PDE10A: variants seen among roughly 807,000 people sequenced by gnomAD.
PDE10A encodes the protein cAMP and cAMP-inhibited cGMP 3',5'-cyclic phosphodiesterase 10A.
In PDE10A, 39 loss-of-function variants were observed where a neutral mutation model predicts 97.7. The observed-to-expected ratio is 0.40, with a 90% CI of 0.31 to 0.52. The LOEUF is 0.52. PDE10A is among the 20% of genes least tolerant of loss of function. PDE10A has a pLI of 0.56. For missense variants in PDE10A, 731 were observed against 1,047.8 expected, an observed-to-expected ratio of 0.70 and a Z score of 4.17; for synonymous variants, 371 against 376.8, an observed-to-expected ratio of 0.98 and a Z score of 0.18.
intron 1 of PDE10A, among the ~76,000 whole-genome samples, chr6:165,698,911 T>C (rs1055698445): frequency 1.3e-5 from 2 of 151,650 alleles, no homozygotes; most frequent in African/African-American, 4.8e-5. Context: ...CTAAAGAAAG[T>C]AGTAAAGGAG....
intron 1 of PDE10A, among the ~76,000 whole-genome samples, chr6:165,608,454 T>C (rs1787332250): frequency 6.6e-6 from 1 of 152,124 alleles, no homozygotes; most frequent in Non-Finnish European, 1.5e-5. Flanking sequence ...CCTTTTTTTA[T>C]GGCTGCATAG....
At chr6:165,642,209 A>G (rs964736191) in intron 1 of PDE10A, among the ~76,000 whole-genome samples, 1 of 152,212 alleles carries the variant, frequency 6.6e-6, no homozygotes, top group Non-Finnish European at 1.5e-5. Flanking sequence ...CATAGGGGCT[A>G]ACACAGTCTT....
At chr6:165,758,061 T>C (rs1793158648) in intron 1 of PDE10A, among the ~76,000 whole-genome samples, 1 of 152,252 alleles carries the variant, frequency 6.6e-6, no homozygotes, top group African/African-American at 2.4e-5. Context: ...ACCTGAACTG[T>C]CATTAGTGAC....
At chr6:165,902,820 TA>T (rs1427340558) in intron 1 of PDE10A, among the ~76,000 whole-genome samples, 2 of 152,166 alleles carry the variant, frequency 1.3e-5, no homozygotes, top group Non-Finnish European at 2.9e-5. Flanking sequence ...TGGACACAGG[TA>T]ACAGTGAGTC....
At chr6:165,938,237 C>A (rs34527299) in intron 1 of PDE10A, among the ~76,000 whole-genome samples, 2 of 151,998 alleles carry the variant, frequency 1.3e-5, no homozygotes, top group African/African-American at 4.8e-5. Context: ...TTGTGGGCAA[C>A]CAGAGCAGCT....
At chr6:165,682,608 G>A (rs777505005) in intron 1 of PDE10A, among the ~76,000 whole-genome samples, 7 of 152,190 alleles carry the variant, frequency 4.6e-5, no homozygotes, top group East Asian at 1.9e-4. Context: ...ATAAAAAGAC[G>A]GCTATCTACG....
intron 1 of PDE10A, among the ~76,000 whole-genome samples, chr6:165,785,239 A>C (rs950065666): frequency 6.6e-6 from 1 of 152,202 alleles, no homozygotes; most frequent in Non-Finnish European, 1.5e-5. Flanking sequence ...TATTCACATG[A>C]AGTGCCTAAC....
At chr6:165,448,408 G>A (rs1791022443) in intron 5 of PDE10A, among the ~76,000 whole-genome samples, 1 of 152,156 alleles carries the variant, frequency 6.6e-6, no homozygotes, top group African/African-American at 2.4e-5. Flanking sequence ...CAGAAGACTG[G>A]AACAGCCACA....
chr6:165,381,439 A>T (rs1389661433), intron 17 of PDE10A, among the ~76,000 whole-genome samples: 1 of 152,140 alleles, frequency 6.6e-6, no homozygotes, highest in Non-Finnish European at 1.5e-5. Context: ...AATTTACAAG[A>T]GTAAAGGGAA....
intron 1 of PDE10A, among the ~76,000 whole-genome samples, chr6:165,555,957 G>GA (rs35711274): frequency 1.3e-5 from 2 of 152,056 alleles, no homozygotes; most frequent in Admixed American, 1.3e-4. Context: ...AATTATACTG[G>GA]AAAAAATTTT....
At chr6:165,510,759 T>C (rs1781462731) in intron 2 of PDE10A, among the ~76,000 whole-genome samples, 2 of 152,210 alleles carry the variant, frequency 1.3e-5, no homozygotes, top group South Asian at 4.1e-4. Context: ...CTTGGTAGAA[T>C]GCATGCAGCC....
At chr6:165,333,986 A>G (rs574998709) in intron 21 of PDE10A, among the ~76,000 whole-genome samples, 2 of 152,362 alleles carry the variant, frequency 1.3e-5, no homozygotes, top group South Asian at 2.1e-4. Flanking sequence ...ACAAAACCCT[A>G]AAATATAACT....
intron 18 of PDE10A, among the ~76,000 whole-genome samples, chr6:165,365,862 A>T (rs1327289101): frequency 6.6e-6 from 1 of 152,238 alleles, no homozygotes; most frequent in African/African-American, 2.4e-5. Flanking sequence ...AGAAAGATCA[A>T]TAGCTTCTAG....
chr6:165,462,784 A>G (rs906309870), intron 3 of PDE10A, among the ~76,000 whole-genome samples: 8 of 152,250 alleles, frequency 5.3e-5, no homozygotes, highest in African/African-American at 1.9e-4. Context: ...TGCCATGAGT[A>G]TTCCTTCAGC....
intron 1 of PDE10A, among the ~76,000 whole-genome samples, chr6:165,553,643 G>T (rs1428189147): frequency 6.6e-6 from 1 of 152,104 alleles, no homozygotes; most frequent in Admixed American, 6.5e-5. Context: ...AGCCTAAGGG[G>T]TGCCTTAGCT....
At chr6:165,342,432 G>T (rs914618280) in intron 19 of PDE10A, among the ~76,000 whole-genome samples, 16 of 152,344 alleles carry the variant, frequency 1.1e-4, no homozygotes, top group African/African-American at 3.4e-4. Context: ...GATGTGTAAA[G>T]CATTCTGGAG....
intron 1 of PDE10A, among the ~76,000 whole-genome samples, chr6:165,560,248 T>C (rs1784455340): frequency 6.6e-6 from 1 of 152,212 alleles, no homozygotes; most frequent in Non-Finnish European, 1.5e-5. Flanking sequence ...ATTGCTGGCT[T>C]GAAGATGGAG....
At chr6:165,681,416 GTGTGTGTGTGTGTC>G (rs1173987751) in intron 1 of PDE10A, among the ~76,000 whole-genome samples, 1 of 149,178 alleles carries the variant, frequency 6.7e-6, no homozygotes, top group African/African-American at 2.6e-5. Context: ...GTGTGTGTGT[GTGTGTGTGTGTGTC>G]TGTGTGCATT....
Position 165,841,294 on chromosome 6 carries a change from T to A in PDE10A, c.-615+146235A>T, listed in dbSNP as rs371953257. On this transcript the variant is annotated intron_variant, in intron 1 of 19. Coordinates refer to the PDE10A transcript ENST00000366882. Reference sequence around the variant, plus strand: ...GCACCTTCTCCTGCTGGGTACCCACTTCGCCACACCAAAGTTTATGGACCC... The same window carrying A: ...GCACCTTCTCCTGCTGGGTACCCACATCGCCACACCAAAGTTTATGGACCC... Among the ~76,000 whole-genome samples, 483 of 152,316 alleles carry A rather than the reference T, an allele frequency of 3.2e-3. 3 individuals are homozygous for A. Among genetic ancestry groups the A allele is most frequent in the African/African-American group, 0.011 (454 of 41,582 alleles).
Sources: allele counts gnomAD v4.1 joint callset (sites outside exome capture counted in the v4.1 genomes callset), GRCh38; gene constraint gnomAD v4.1.1; transcripts MANE v1.5; gene names NCBI Gene and HGNC (gene_info 2026-07-23, HGNC 2026-07-21).